CCDC201: variants seen among roughly 807,000 people sequenced by gnomAD.
CCDC201 encodes the protein coiled-coil domain containing 201, also known as coiled-coil domain-containing protein 201.
chr7:45,876,610 C>T (rs1021406876), upstream of CCDC201, among the ~76,000 whole-genome samples: 6 of 152,228 alleles, frequency 3.9e-5, no homozygotes, highest in African/African-American at 1.2e-4. Flanking sequence ...TCTCTGTGAC[C>T]TCCTGGCACA....
upstream of CCDC201, among the ~76,000 whole-genome samples, chr7:45,876,377 C>T (rs969759584): frequency 1.3e-5 from 2 of 152,158 alleles, no homozygotes; most frequent in Non-Finnish European, 2.9e-5. Context: ...ATTCCATTTG[C>T]CAATGGGAAA....
the CCDC201 span, among the ~76,000 whole-genome samples, chr7:45,879,915 ATC>A: frequency 3.3e-5 from 5 of 152,100 alleles, no homozygotes; most frequent in Non-Finnish European, 5.9e-5. Flanking sequence ...GTGAAACCCC[ATC>A]TCTATTAAAA....
chr7:45,878,216 T>A, the CCDC201 span, among the ~76,000 whole-genome samples: 2 of 152,214 alleles, frequency 1.3e-5, no homozygotes, highest in Non-Finnish European at 1.5e-5. Flanking sequence ...TGGCATTGAG[T>A]GCCTGCAGCT....
upstream of CCDC201, among the ~76,000 whole-genome samples, chr7:45,875,464 A>G (rs1786790753): frequency 6.6e-6 from 1 of 151,960 alleles, no homozygotes; most frequent in Non-Finnish European, 1.5e-5. Context: ...AAAAAAGAAC[A>G]AAATTAACAC....
chr7:45,875,599 CA>C (rs749227735), upstream of CCDC201, among the ~76,000 whole-genome samples: 9 of 152,120 alleles, frequency 5.9e-5, no homozygotes, highest in Non-Finnish European at 1.3e-4. Flanking sequence ...TTTCTAAAAA[CA>C]ACACCTAATG....
exon 2 of CCDC201, chr7:45,866,056 G>C (rs1027876614): frequency 6.2e-6 from 1 of 160,334 alleles, no homozygotes; most frequent in East Asian, 1.9e-4. Flanking sequence ...CGCTTCTTCG[G>C]GTCTCGTCTC....
chr7:45,873,723 A>G (rs1786768988), upstream of CCDC201, among the ~76,000 whole-genome samples: 1 of 152,206 alleles, frequency 6.6e-6, no homozygotes, highest in Admixed American at 6.5e-5. Context: ...AATCTATACT[A>G]AAGCTGATCT....
At chr7:45,884,200 A>C in the CCDC201 span, among the ~76,000 whole-genome samples, 1 of 151,972 alleles carries the variant, frequency 6.6e-6, no homozygotes, top group African/African-American at 2.4e-5. Context: ...TCCTGGGCTT[A>C]AGTGACCCTC....
chr7:45,883,564 G>A, the CCDC201 span, among the ~76,000 whole-genome samples: 2 of 152,150 alleles, frequency 1.3e-5, no homozygotes, highest in Non-Finnish European at 2.9e-5. Context: ...AAGACCACAC[G>A]GAAGCACACA....
At chr7:45,882,582 G>A in the CCDC201 span, among the ~76,000 whole-genome samples, 7 of 152,262 alleles carry the variant, frequency 4.6e-5, no homozygotes, top group African/African-American at 1.4e-4. Context: ...TTGTTCTTGC[G>A]GTTCCCACAA....
At chr7:45,871,482 G>A (rs1562790697) in intron 1 of CCDC201, among the ~76,000 whole-genome samples, 1 of 152,060 alleles carries the variant, frequency 6.6e-6, no homozygotes, top group East Asian at 1.9e-4. Flanking sequence ...AGAAAAGAAA[G>A]CCATAAGAGT....
chr7:45,879,795 A>G, the CCDC201 span, among the ~76,000 whole-genome samples: 26 of 152,364 alleles, frequency 1.7e-4, no homozygotes, highest in Admixed American at 9.8e-4. Context: ...CTTTAAAATT[A>G]CTGTATCTGG....
intron 1 of CCDC201, among the ~76,000 whole-genome samples, chr7:45,869,090 A>G (rs1995050): frequency 0.39 from 60,003 of 152,118 alleles, 12,386 homozygotes; most frequent in African/African-American, 0.51. Context: ...TCTTTTGAAC[A>G]AAACATGCAC....
intron 1 of CCDC201, among the ~76,000 whole-genome samples, chr7:45,866,772 C>A (rs889641414): frequency 2.6e-5 from 4 of 152,082 alleles, no homozygotes; most frequent in Non-Finnish European, 5.9e-5. Context: ...ATGTATTTTT[C>A]AAGAATAGGA....
chr7:45,860,323 C>G (rs1352359088), exon 3 of CCDC201: 1 of 152,190 alleles, frequency 6.6e-6, no homozygotes, highest in Non-Finnish European at 1.5e-5. Context: ...ATTTTCACTT[C>G]TTTTGTGGAT....
At chr7:45,869,910 T>C (rs1786725096) in intron 1 of CCDC201, among the ~76,000 whole-genome samples, 1 of 151,956 alleles carries the variant, frequency 6.6e-6, no homozygotes, top group South Asian at 2.1e-4. Context: ...CTCTGCCTCT[T>C]GGATTCAAGC....
upstream of CCDC201, among the ~76,000 whole-genome samples, chr7:45,874,749 C>A (rs1291958790): frequency 6.6e-6 from 1 of 152,214 alleles, no homozygotes; most frequent in African/African-American, 2.4e-5. Context: ...AGCCGGGTGA[C>A]TGGCTCCAGG....
intron 1 of CCDC201, among the ~76,000 whole-genome samples, chr7:45,869,145 CTA>C (rs1303083867): frequency 6.6e-6 from 1 of 152,072 alleles, no homozygotes; most frequent in Non-Finnish European, 1.5e-5. Context: ...ATAGAAAGAG[CTA>C]TGTGTTTCAC....
upstream of CCDC201, among the ~76,000 whole-genome samples, chr7:45,875,580 T>C (rs905270201): frequency 6.6e-6 from 1 of 152,182 alleles, no homozygotes; most frequent in Non-Finnish European, 1.5e-5. Flanking sequence ...ACTTAATTGT[T>C]TCGCATTTTT....
Sources: allele counts gnomAD v4.1 joint callset (sites outside exome capture counted in the v4.1 genomes callset), GRCh38; gene constraint gnomAD v4.1.1; transcripts MANE v1.5; gene names NCBI Gene and HGNC (gene_info 2026-07-23, HGNC 2026-07-21).